The following FAAH2 variants were observed in gnomAD, a reference collection of about 807,000 sequenced individuals.
FAAH2 encodes fatty acid amide hydrolase 2.
A neutral mutation model predicts 36.9 loss-of-function variants in FAAH2; 60 were observed. The ratio of observed to expected loss-of-function variants is 1.63; its 90% CI spans 1.32 to 2.02. The LOEUF (loss-of-function observed/expected upper bound fraction) is 2.02. FAAH2 is among the 30% of genes most tolerant of loss of function. The pLI is 0.00. For missense variants in FAAH2, 689 were observed against 397.5 expected (o/e 1.73, Z -6.23); for synonymous variants, 214 against 143.8 (o/e 1.49, Z -3.49).
chrX:57,121,900 C>A, the FAAH2 span: 1 of 75,481 alleles, frequency 1.3e-5, no homozygotes, highest in Non-Finnish European at 2.4e-5. Flanking sequence ...TGGATTTATT[C>A]TTTACACGTA....
At chrX:57,447,134 C>T (rs2056691507) in intron 9 of FAAH2, 95 bp downstream of exon 9, 5 of 577,798 alleles carry the variant, frequency 8.7e-6, no homozygotes, top group Non-Finnish European at 1.3e-5. Flanking sequence ...CCATGCAAGT[C>T]CAAAATCCAG....
intron 3 of FAAH2, among the ~76,000 whole-genome samples, chrX:57,330,977 A>G (rs1286926693): frequency 1.1e-4 from 12 of 110,356 alleles, no homozygotes; most frequent in Admixed American, 1.1e-3. Context: ...GCCCTGGGAG[A>G]AGCCAGCAGA....
intron 10 of FAAH2, among the ~76,000 whole-genome samples, chrX:57,483,335 C>T (rs747290418): frequency 1.1e-4 from 12 of 110,774 alleles, no homozygotes; most frequent in African/African-American, 3.9e-4. Flanking sequence ...TTTGAAATTC[C>T]TTAAGTGAAT....
At chrX:57,309,038 A>G (rs1338889240) in intron 2 of FAAH2, among the ~76,000 whole-genome samples, 1 of 112,110 alleles carries the variant, frequency 8.9e-6, no homozygotes, top group East Asian at 2.8e-4. Flanking sequence ...AGTGAGCCCA[A>G]AGATATTTTA....
chrX:57,215,824 G>A, the FAAH2 span, among the ~76,000 whole-genome samples: 5 of 106,856 alleles, frequency 4.7e-5, no homozygotes, highest in South Asian at 2.2e-3. Context: ...AGGTGGTGGG[G>A]GCAAGGGGAA....
At chrX:57,260,370 T>A in the FAAH2 span, among the ~76,000 whole-genome samples, 1 of 111,933 alleles carries the variant, frequency 8.9e-6, no homozygotes, top group African/African-American at 3.2e-5. Flanking sequence ...AATAATTGCA[T>A]TAAAAATGAA....
chrX:57,487,752 C>G (rs983061749), intron 10 of FAAH2, among the ~76,000 whole-genome samples: 1 of 111,653 alleles, frequency 9.0e-6, no homozygotes, highest in African/African-American at 3.2e-5. Flanking sequence ...TCATAAGACT[C>G]AACTATTTCA....
intron 4 of FAAH2, among the ~76,000 whole-genome samples, chrX:57,333,121 G>A (rs754652678): frequency 9.0e-6 from 1 of 110,998 alleles, no homozygotes; most frequent in African/African-American, 3.3e-5. Flanking sequence ...TTTCTATAAT[G>A]GGAGTTCTAT....
At chrX:57,414,222 C>A (rs1262408256) in intron 7 of FAAH2, among the ~76,000 whole-genome samples, 1 of 111,797 alleles carries the variant, frequency 8.9e-6, no homozygotes, top group Non-Finnish European at 1.9e-5. Context: ...TGCCCGATTG[C>A]CCTGGCCAGA....
the FAAH2 span, among the ~76,000 whole-genome samples, chrX:57,244,727 A>G: frequency 3.6e-5 from 4 of 111,983 alleles, no homozygotes; most frequent in Admixed American, 1.9e-4. Context: ...CTCCTGAAGG[A>G]AGCCCTAAAC....
At chrX:57,444,025 G>A (rs1317585296) in intron 8 of FAAH2, among the ~76,000 whole-genome samples, 1 of 111,932 alleles carries the variant, frequency 8.9e-6, no homozygotes, top group South Asian at 3.7e-4. Flanking sequence ...GCCCCTACTG[G>A]GAGCTGTCTC....
intron 3 of FAAH2, among the ~76,000 whole-genome samples, chrX:57,319,592 C>A (rs183118965): frequency 4.6e-4 from 52 of 112,104 alleles, no homozygotes; most frequent in African/African-American, 1.6e-3. Context: ...AATGGCCATA[C>A]TGCCCAAGTA....
At chrX:57,133,466 G>A in the FAAH2 span, among the ~76,000 whole-genome samples, 1 of 111,903 alleles carries the variant, frequency 8.9e-6, no homozygotes, top group South Asian at 3.8e-4. Context: ...GGGAATGACT[G>A]TGCCTTTTAT....
intron 10 of FAAH2, among the ~76,000 whole-genome samples, chrX:57,477,607 T>A (rs1017641008): frequency 3.6e-5 from 4 of 110,150 alleles, no homozygotes; most frequent in Admixed American, 9.8e-5. Flanking sequence ...GTCATTTGCA[T>A]TAGGTATATC....
chrX:57,446,415 A>T (rs1351133912), intron 8 of FAAH2, among the ~76,000 whole-genome samples: 1 of 112,134 alleles, frequency 8.9e-6, no homozygotes, highest in African/African-American at 3.2e-5. Flanking sequence ...TCCCTATAAC[A>T]GGTTTGTTGA....
chrX:57,307,767 T>C (rs781126666), intron 2 of FAAH2, among the ~76,000 whole-genome samples: 3 of 111,029 alleles, frequency 2.7e-5, no homozygotes, highest in Non-Finnish European at 5.7e-5. Flanking sequence ...CCAACAGTTT[T>C]TCAAAACTTT....
intron 7 of FAAH2, chrX:57,381,434 A>G: frequency 3.4e-6 from 1 of 291,961 alleles, no homozygotes; most frequent in Non-Finnish European, 4.6e-6. Context: ...TAATAGCACA[A>G]ATTTGTCTTT....
the FAAH2 span, among the ~76,000 whole-genome samples, chrX:57,216,036 G>A: frequency 9.2e-6 from 1 of 108,443 alleles, no homozygotes; most frequent in African/African-American, 3.3e-5. Context: ...ATGTGTGTGT[G>A]TAGTGTCACT....
chrX:57,350,509 T>G (rs771174484), intron 5 of FAAH2, among the ~76,000 whole-genome samples: 1 of 110,784 alleles, frequency 9.0e-6, no homozygotes, highest in Non-Finnish European at 1.9e-5. Flanking sequence ...AAACCTCAAT[T>G]GTCAATAATA....
Sources: gnomAD v4.1 joint callset for allele counts (sites outside exome capture counted in the v4.1 genomes callset) on GRCh38, gnomAD v4.1.1 for gene constraint, MANE v1.5 for transcripts, NCBI Gene and HGNC (gene_info 2026-07-23, HGNC 2026-07-21) for gene names.